Variants in STX6 observed in about 807,000 individuals in gnomAD.
The protein encoded by STX6 is syntaxin-6.
A neutral mutation model predicts 38.0 loss-of-function variants in STX6; 23 were observed. The ratio of observed to expected loss-of-function variants is 0.60; its 90% CI spans 0.43 to 0.86. STX6 has a LOEUF of 0.86. STX6 is among the 40% of genes least tolerant of loss of function. STX6 has a pLI of 0.00. For synonymous variants in STX6, 123 were observed against 107.5 expected (o/e 1.14, Z -0.89); for missense variants, 274 against 312.9 (o/e 0.88, Z 0.94).
rs979271474 is a variant in STX6, at chr1:181,013,650, C to T, written c.36-8187G>A. On this transcript the variant is annotated intron_variant, in intron 1 of 7. Transcript: ENST00000258301. ...CTCTGAATTGGCATGTTCTAGTTAT[C>T]GTGGTTGTTTAACAATGACCCCAAA... Among the ~76,000 whole-genome samples the T allele has an allele frequency of 9.9e-5, 15 of 152,152 alleles. 1 individual carries two copies. The highest frequency in any genetic ancestry group is 8.5e-4 in the Admixed American group (13 of 15,278).
At chr1:181,014,406 G>GAA (rs200099705) in intron 1 of STX6, among the ~76,000 whole-genome samples, 1 of 142,166 alleles carries the variant, frequency 7.0e-6, no homozygotes, top group Non-Finnish European at 1.5e-5. Context: ...AAAAAAAAAA[G>GAA]AAAAAAAAAG....
intron 3 of STX6, among the ~76,000 whole-genome samples, chr1:180,996,181 A>G (rs1382930624): frequency 6.6e-6 from 1 of 152,148 alleles, no homozygotes; most frequent in Admixed American, 6.5e-5. Context: ...TATTTTAAGG[A>G]GATAACATAA....
chr1:181,022,861 T>C lies in STX6; in HGVS notation c.-188A>G, dbSNP rs1656788313. 1 of 567,326 alleles carries C rather than the reference T, an allele frequency of 1.8e-6. No homozygotes were observed. Among genetic ancestry groups the C allele is most frequent in the South Asian group, 2.2e-5 (1 of 45,570 alleles). The allele number at this position is 567,326 out of a possible 1,614,324, so 35.1% of individuals were successfully genotyped here. ...TGGTCCAGCACTCGCTCAGCACCAC[T>C]GGCCGAATCCCGGACTCGGGCGCCG... On this transcript the variant is annotated 5_prime_UTR_variant, in exon 1 of 8. Transcript: ENST00000258301.
At chr1:181,004,489 A>C (rs1034021799) in intron 2 of STX6, among the ~76,000 whole-genome samples, 1 of 152,212 alleles carries the variant, frequency 6.6e-6, no homozygotes, top group Non-Finnish European at 1.5e-5. Flanking sequence ...GTGATCAATC[A>C]TGCCTGCGAA....
At chr1:181,005,111 A>G (rs1386650751) in intron 2 of STX6, 183 bp downstream of exon 2, 10 of 594,188 alleles carry the variant, frequency 1.7e-5, no homozygotes, top group Admixed American at 6.4e-5. Context: ...CACACTGTAT[A>G]AGAATTTGGC....
intron 7 of STX6, among the ~76,000 whole-genome samples, chr1:180,979,095 G>C (rs1655333996): frequency 6.6e-6 from 1 of 152,124 alleles, no homozygotes; most frequent in Non-Finnish European, 1.5e-5. Context: ...AATGTAGGCA[G>C]AGACATGGAA....
intron 1 of STX6, among the ~76,000 whole-genome samples, chr1:181,012,863 G>A (rs1176065786): frequency 3.3e-5 from 5 of 151,782 alleles, no homozygotes; most frequent in South Asian, 2.1e-4. Context: ...TAGTAGAGAC[G>A]GGGTTTCTCC....
rs534139702 is a variant in STX6, at chr1:180,986,127, G to A, written c.597-1356C>T. On this transcript the variant is annotated intron_variant, in intron 6 of 7. Transcript: ENST00000258301. Reference sequence around the variant, plus strand: ...GACTTTTCATACTGAAGACAAAACAGGCACATCATCAGGCACATCATCCGA... The same window carrying A: ...GACTTTTCATACTGAAGACAAAACAAGCACATCATCAGGCACATCATCCGA... Among the ~76,000 whole-genome samples, 3 of 152,316 alleles carry A rather than the reference G, an allele frequency of 2.0e-5. No individual in the cohort carries two copies. In the South Asian group the frequency reaches 6.2e-4, roughly 32 times the overall value.
Position 180,983,657 on chromosome 1 carries a change from T to C in STX6, c.691+1020A>G, listed in dbSNP as rs189701952. ...AGGTATTTTTCTATCAATGAAAGAA[T>C]GTTCAGGAGAAACAGTAACTGGCTT... On this transcript the variant is annotated intron_variant, in intron 7 of 7. Coordinates refer to ENST00000258301, the MANE Select transcript of STX6 (RefSeq NM_005819.6). Among the ~76,000 whole-genome samples, 506 of 152,336 alleles carry C rather than the reference T, an allele frequency of 3.3e-3. 4 individuals carry two copies. Among genetic ancestry groups the C allele is most frequent in the Admixed American group, 4.4e-3 (68 of 15,300 alleles).
rs367636166 is a variant in STX6, at chr1:180,982,959, T to C, written c.691+1718A>G. On this transcript the variant is annotated intron_variant, in intron 7 of 7. Coordinates refer to ENST00000258301, the MANE Select transcript of STX6 (RefSeq NM_005819.6). ...AGAGAAAGAAGAAAATGACTCTAGA[T>C]AGGAGCTTCTCTTTGTTTTGGATGT... 7.9e-5 allele frequency among the ~76,000 whole-genome samples: 12 copies of C among 152,272 alleles called. No individual in the cohort carries two copies. In the East Asian group the frequency reaches 1.7e-3, roughly 22 times the overall value.
chr1:181,011,310 T>A (rs1656392194), intron 1 of STX6, among the ~76,000 whole-genome samples: 1 of 152,122 alleles, frequency 6.6e-6, no homozygotes, highest in Non-Finnish European at 1.5e-5. Flanking sequence ...TATCAGGGAA[T>A]CCCATCTCAA....
intron 1 of STX6, among the ~76,000 whole-genome samples, chr1:181,020,350 T>C (rs1656691562): frequency 6.6e-6 from 1 of 151,946 alleles, no homozygotes; most frequent in Admixed American, 6.5e-5. Flanking sequence ...AAGTAAAATA[T>C]CTCATCAATA....
At position 180,974,802 on chromosome 1, in the gene STX6, T is replaced by C. The variant is rs116837703; in HGVS notation, c.*1768A>G. On this transcript the variant is annotated 3_prime_UTR_variant, in exon 8 of 8. Transcript: ENST00000258301. ...AGCCCTTTGTAATACTCACTGTTTT[T>C]TCCTAATTTGAAAATAACTTATTTA... The C allele has an allele frequency of 0.012, 1,817 of 152,702 alleles. 20 individuals are homozygous for C. Among genetic ancestry groups the C allele is most frequent in the Middle Eastern group, 0.02 (6 of 294 alleles). The allele number at this position is 152,702 out of a possible 1,614,324, so 9.5% of individuals were successfully genotyped here. A position where few individuals can be genotyped will look rare whatever the true frequency, so the allele number is the denominator to read the frequency against.
At chr1:180,990,803 G>A (rs1454863032) in intron 4 of STX6, among the ~76,000 whole-genome samples, 2 of 152,146 alleles carry the variant, frequency 1.3e-5, no homozygotes, top group Non-Finnish European at 2.9e-5. Flanking sequence ...CCAGACACAA[G>A]GGTCGGGTTT....
chr1:180,978,866 C>G (rs937171202), intron 7 of STX6, among the ~76,000 whole-genome samples: 4 of 152,226 alleles, frequency 2.6e-5, no homozygotes, highest in African/African-American at 9.7e-5. Context: ...CTATTTACCA[C>G]AGTTCCTTTT....
rs1465078881 is a variant in STX6, at chr1:180,974,140, T to G, written c.*2430A>C. On this transcript the variant is annotated 3_prime_UTR_variant, in exon 8 of 8. Transcript: ENST00000258301. ...ATGTAGGTTCCCTGGATTGTTCTCT[T>G]TGGCTGCCACATTTGGAGCCTGAGT... The G allele has an allele frequency of 6.6e-6, 1 of 152,244 alleles. No individual in the cohort carries two copies. The highest frequency in any genetic ancestry group is 2.1e-4 in the South Asian group (1 of 4,836). The allele number at this position is 152,244 out of a possible 1,614,324, so 9.4% of individuals were successfully genotyped here.
At chr1:180,979,680 T>C (rs1400809635) in intron 7 of STX6, among the ~76,000 whole-genome samples, 1 of 152,188 alleles carries the variant, frequency 6.6e-6, no homozygotes, top group Non-Finnish European at 1.5e-5. Context: ...ATCCATGAAA[T>C]AAATAATTGA....
chr1:180,974,176 C>T lies in STX6; in HGVS notation c.*2394G>A, dbSNP rs1033127921. The stretch of plus-strand genomic sequence containing the variant: ...ATTTGGAGCCTGAGTGGAGGCCCTT[C>T]AAATTAACACTGGTTCTGTAGGGAC... On this transcript the variant is annotated 3_prime_UTR_variant, in exon 8 of 8. Transcript: ENST00000258301. 1.3e-5 allele frequency: 2 copies of T among 152,152 alleles called. No homozygotes were observed. The highest frequency in any genetic ancestry group is 4.8e-5 in the African/African-American group (2 of 41,416). 9.4% of individuals were successfully genotyped at this position (152,152 alleles called of 1,614,324 possible).
Position 181,002,185 on chromosome 1 carries a change from A to T in STX6, c.300+421T>A, listed in dbSNP as rs571233789. 3.1e-3 allele frequency among the ~76,000 whole-genome samples: 464 copies of T among 148,268 alleles called. 2 individuals are homozygous for T. Among genetic ancestry groups the T allele is most frequent in the African/African-American group, 0.011 (435 of 40,438 alleles). On this transcript the variant is annotated intron_variant, in intron 3 of 7. Transcript: ENST00000258301. ...GATTTCTTTTTCTTCAATCACGGAA[A>T]TTTTTTTTTTTTTTTAAGGTACAGT...
Sources: allele counts gnomAD v4.1 joint callset (sites outside exome capture counted in the v4.1 genomes callset), GRCh38; gene constraint gnomAD v4.1.1; transcripts MANE v1.5; gene names NCBI Gene and HGNC (gene_info 2026-07-23, HGNC 2026-07-21).